Variants in CSMD1 observed in about 807,000 individuals in gnomAD.
CSMD1 encodes the protein CUB and Sushi multiple domains 1.
Under a neutral mutation model 417.5 loss-of-function variants are expected in CSMD1, and 213 were observed. The ratio of observed to expected loss-of-function variants is 0.51; its 90% CI spans 0.46 to 0.57. The LOEUF (loss-of-function observed/expected upper bound fraction) is 0.57, where lower values mean the gene tolerates loss of function less well. Among genes scored for constraint, CSMD1 ranks in the 20% least tolerant of loss-of-function variants. The pLI is 0.00. For missense variants in CSMD1, 6,923 were observed against 4,529.7 expected, an observed-to-expected ratio of 1.53 and a Z score of -15.17; for synonymous variants, 2,862 against 1,736.8, an observed-to-expected ratio of 1.65 and a Z score of -16.11.
At chr8:3,413,399 G>A (rs993038843) in intron 12 of CSMD1, among the ~76,000 whole-genome samples, 9 of 152,290 alleles carry the variant, frequency 5.9e-5, no homozygotes, top group African/African-American at 2.2e-4. Context: ...TCCCACCAAA[G>A]AGGCTGATGT....
intron 48 of CSMD1, among the ~76,000 whole-genome samples, chr8:3,089,767 C>A (rs201086281): frequency 7.1e-6 from 1 of 141,032 alleles, no homozygotes; most frequent in East Asian, 2.1e-4. Context: ...TCTCTCTCTC[C>A]ACTTAAACAA....
At chr8:3,746,013 T>C (rs571181124) in intron 6 of CSMD1, among the ~76,000 whole-genome samples, 2 of 152,306 alleles carry the variant, frequency 1.3e-5, no homozygotes, top group South Asian at 2.1e-4. Flanking sequence ...ACATGTACAG[T>C]AGACACAATC....
At chr8:4,231,973 A>C (rs919336660) in intron 3 of CSMD1, among the ~76,000 whole-genome samples, 2 of 152,140 alleles carry the variant, frequency 1.3e-5, no homozygotes, top group Non-Finnish European at 2.9e-5. Context: ...TTCTTTTGCA[A>C]AAGGCTAATC....
chr8:4,801,418 C>T (rs540129336), intron 1 of CSMD1, among the ~76,000 whole-genome samples: 4 of 151,776 alleles, frequency 2.6e-5, no homozygotes, highest in Non-Finnish European at 5.9e-5. Flanking sequence ...GGTTCTATTT[C>T]GGCCAGTCAG....
chr8:4,295,056 ATAATCTTAAGATTACACACAT>A, intron 3 of CSMD1, among the ~76,000 whole-genome samples: 1 of 95,426 alleles, frequency 1.0e-5, no homozygotes. Flanking sequence ...TTATACACAT[ATAATCTTAAGATTACACACAT>A]ATAATCTTAA....
chr8:4,258,772 T>G (rs986807266), intron 3 of CSMD1, among the ~76,000 whole-genome samples: 1 of 152,044 alleles, frequency 6.6e-6, no homozygotes, highest in South Asian at 2.1e-4. Flanking sequence ...ACATTTAGAA[T>G]GTGTAACCAG....
chr8:4,133,027 G>C (rs1190201818), intron 3 of CSMD1, among the ~76,000 whole-genome samples: 3 of 152,066 alleles, frequency 2.0e-5, no homozygotes, highest in African/African-American at 4.8e-5. Context: ...TCCGACTCCC[G>C]GGTTAAAGCG....
chr8:4,710,370 C>T (rs899748207), intron 1 of CSMD1, among the ~76,000 whole-genome samples: 2 of 147,134 alleles, frequency 1.4e-5, no homozygotes, highest in Non-Finnish European at 1.5e-5. Flanking sequence ...TTTAAATAAA[C>T]ATATGAAGTA....
At chr8:3,176,935 G>A (rs1317076594) in intron 37 of CSMD1, among the ~76,000 whole-genome samples, 2 of 151,844 alleles carry the variant, frequency 1.3e-5, no homozygotes, top group African/African-American at 4.8e-5. Flanking sequence ...AGGCCACCAT[G>A]CCTGGCTAAT....
intron 1 of CSMD1, among the ~76,000 whole-genome samples, chr8:4,791,660 G>C (rs1031388317): frequency 2.6e-5 from 4 of 152,112 alleles, no homozygotes; most frequent in African/African-American, 7.2e-5. Context: ...CAACACAGAA[G>C]GCTAGTTAAG....
intron 5 of CSMD1, among the ~76,000 whole-genome samples, chr8:3,864,098 C>G (rs1024166383): frequency 1.3e-5 from 2 of 151,968 alleles, no homozygotes; most frequent in East Asian, 1.9e-4. Flanking sequence ...ATATTTTCAC[C>G]TGATTTTTAA....
intron 46 of CSMD1, among the ~76,000 whole-genome samples, chr8:3,102,971 C>G (rs898789432): frequency 6.6e-6 from 1 of 152,150 alleles, no homozygotes; most frequent in Non-Finnish European, 1.5e-5. Context: ...TTATTGGGGT[C>G]TAAAGGAGCT....
At chr8:4,288,024 G>A (rs1585163690) in intron 3 of CSMD1, among the ~76,000 whole-genome samples, 2 of 152,218 alleles carry the variant, frequency 1.3e-5, no homozygotes, top group South Asian at 4.1e-4. Flanking sequence ...TTTTTTAGCT[G>A]CAACCATCAA....
intron 3 of CSMD1, among the ~76,000 whole-genome samples, chr8:4,183,065 C>T (rs1798467898): frequency 6.6e-6 from 1 of 152,116 alleles, no homozygotes; most frequent in Admixed American, 6.5e-5. Context: ...GATACCACTG[C>T]TAGATGTCAC....
intron 2 of CSMD1, among the ~76,000 whole-genome samples, chr8:4,592,261 C>T (rs1280209672): frequency 6.6e-6 from 1 of 150,934 alleles, no homozygotes; most frequent in African/African-American, 2.4e-5. Context: ...CTAAAGTGTC[C>T]AGGAGGGTAT....
intron 11 of CSMD1, among the ~76,000 whole-genome samples, chr8:3,479,443 G>A (rs1236652634): frequency 1.3e-5 from 2 of 152,192 alleles, no homozygotes; most frequent in African/African-American, 4.8e-5. Context: ...ACCATGCCCA[G>A]CTAATTTTGT....
At chr8:4,222,693 C>A (rs551414275) in intron 3 of CSMD1, among the ~76,000 whole-genome samples, 2 of 152,098 alleles carry the variant, frequency 1.3e-5, no homozygotes, top group Admixed American at 1.3e-4. Context: ...TTCAGTTATG[C>A]CTCTATCTGG....
chr8:4,092,953 C>T (rs187570791), intron 3 of CSMD1, among the ~76,000 whole-genome samples: 1 of 152,244 alleles, frequency 6.6e-6, no homozygotes, highest in Admixed American at 6.5e-5. Flanking sequence ...CTTCCTGTCA[C>T]TCCTCTCTGT....
intron 1 of CSMD1, among the ~76,000 whole-genome samples, chr8:4,931,195 A>G: frequency 6.6e-6 from 1 of 152,338 alleles, no homozygotes; most frequent in Admixed American, 6.5e-5. Flanking sequence ...CAGTCCTAAA[A>G]GATTGAAATA....
Sources: gnomAD v4.1 joint callset for allele counts (sites outside exome capture counted in the v4.1 genomes callset) on GRCh38, gnomAD v4.1.1 for gene constraint, MANE v1.5 for transcripts, NCBI Gene and HGNC (gene_info 2026-07-23, HGNC 2026-07-21) for gene names.